Variants in ADAMTS20 observed in about 807,000 individuals in gnomAD.
ADAMTS20 encodes the protein A disintegrin and metalloproteinase with thrombospondin motifs 20.
Under a neutral mutation model 260.1 loss-of-function variants are expected in ADAMTS20, and 225 were observed. The ratio of observed to expected loss-of-function variants is 0.87; its 90% confidence interval spans 0.78 to 0.97. The LOEUF (loss-of-function observed/expected upper bound fraction) is 0.97, where lower values mean the gene tolerates loss of function less well. ADAMTS20 is among the 50% of genes least tolerant of loss of function. The pLI, the probability that ADAMTS20 is intolerant of heterozygous loss-of-function variation, is 0.00. For synonymous variants in ADAMTS20, 802 were observed against 769.5 expected (o/e 1.04, Z -0.70); for missense variants, 2,400 against 2,337.7 (o/e 1.03, Z -0.55).
At chr12:43,382,248 CAAAT>C (rs918164526) in intron 31 of ADAMTS20, among the ~76,000 whole-genome samples, 21 of 151,884 alleles carry the variant, frequency 1.4e-4, no homozygotes, top group African/African-American at 2.4e-4. Flanking sequence ...CATCAACTGA[CAAAT>C]AAATAGACAA....
chr12:43,439,608 G>T lies in ADAMTS20; in HGVS notation c.2593+14C>A. ...CACAGTCAGTCTTTTCTCCCTTATT[G>T]AATGCCAGCGTACCTTGACACATTT... On this transcript the variant is annotated intron_variant, in intron 18 of 38. Transcript: ENST00000389420. 6.3e-7 allele frequency: 1 copy of T among 1,593,110 alleles called. No homozygotes were observed. The highest frequency in any genetic ancestry group is 1.2e-5 in the South Asian group (1 of 86,376).
intron 28 of ADAMTS20, among the ~76,000 whole-genome samples, chr12:43,419,073 T>C (rs1380562803): frequency 1.3e-5 from 2 of 152,110 alleles, no homozygotes; most frequent in African/African-American, 4.8e-5. Context: ...AAAAATTAAA[T>C]GGTTAGAACA....
intron 14 of ADAMTS20, among the ~76,000 whole-genome samples, chr12:43,446,967 A>G (rs1220645284): frequency 5.9e-5 from 9 of 152,114 alleles, no homozygotes. Context: ...TGGACAGACC[A>G]ATAATGAGCT....
intron 7 of ADAMTS20, among the ~76,000 whole-genome samples, chr12:43,473,859 G>A (rs1359873748): frequency 3.3e-5 from 1 of 30,180 alleles, no homozygotes; most frequent in African/African-American, 1.2e-4. Context: ...GAAATTTATA[G>A]CACTAAATGC....
intron 29 of ADAMTS20, among the ~76,000 whole-genome samples, chr12:43,397,000 C>T (rs149011803): frequency 9.9e-5 from 15 of 152,268 alleles, no homozygotes; most frequent in Non-Finnish European, 1.6e-4. Flanking sequence ...AGATCTGTGG[C>T]CGTTCATATT....
downstream of ADAMTS20, among the ~76,000 whole-genome samples, chr12:43,352,916 A>G (rs1179876590): frequency 2.6e-5 from 4 of 152,226 alleles, no homozygotes; most frequent in Non-Finnish European, 5.9e-5. Flanking sequence ...TGATACAGAC[A>G]TCTTCAAATG....
At chr12:43,447,547 G>C (rs536360302) in intron 14 of ADAMTS20, among the ~76,000 whole-genome samples, 1 of 152,118 alleles carries the variant, frequency 6.6e-6, no homozygotes, top group East Asian at 1.9e-4. Context: ...TACTGAATGG[G>C]GAAAAGCAGG....
chr12:43,531,962 T>A, intron 3 of ADAMTS20, 74 bp downstream of exon 3: 1 of 966,902 alleles, frequency 1.0e-6, no homozygotes. Context: ...GGGAAATATA[T>A]AAATTATAAC....
At chr12:43,531,241 T>G (rs117591597) in intron 3 of ADAMTS20, among the ~76,000 whole-genome samples, 129 of 152,192 alleles carry the variant, frequency 8.5e-4, no homozygotes, top group Non-Finnish European at 1.6e-3. Flanking sequence ...ATAAAATATG[T>G]TTCCAATTTA....
At position 43,509,667 on chromosome 12, in the gene ADAMTS20, T is replaced by C. The variant is rs530254598; in HGVS notation, c.614-7262A>G. Among the ~76,000 whole-genome samples the C allele has an allele frequency of 1.1e-4, 17 of 152,206 alleles. No homozygotes were observed. The East Asian group carries it at 3.3e-3, about 29-fold the overall frequency. ...ACAAACATGGAATTAAGAATGCTGGTTGCTTCAGGTAAGGGGAGGCAAGTG... is the reference window on the plus strand; with the variant it reads ...ACAAACATGGAATTAAGAATGCTGGCTGCTTCAGGTAAGGGGAGGCAAGTG... On this transcript the variant is annotated intron_variant, in intron 3 of 38. Transcript: ENST00000389420.
At chr12:43,461,309 G>A (rs1942061456) in intron 11 of ADAMTS20, among the ~76,000 whole-genome samples, 1 of 151,786 alleles carries the variant, frequency 6.6e-6, no homozygotes, top group Non-Finnish European at 1.5e-5. Context: ...ACTTTTTAAA[G>A]TGATAGAAAT....
intron 29 of ADAMTS20, among the ~76,000 whole-genome samples, chr12:43,387,840 ACTGT>A (rs1267913483): frequency 2.6e-5 from 4 of 152,188 alleles, no homozygotes; most frequent in South Asian, 2.1e-4. Context: ...TGAGAGGAAA[ACTGT>A]CTGTCAAGTC....
At chr12:43,537,878 T>A (rs772599391) in intron 2 of ADAMTS20, among the ~76,000 whole-genome samples, 1 of 152,246 alleles carries the variant, frequency 6.6e-6, no homozygotes, top group African/African-American at 2.4e-5. Context: ...TAGTACTCCA[T>A]TGAGTATATG....
At chr12:43,354,441 A>G in intron 38 of ADAMTS20, 143 bp from the exon 39 acceptor site, 1 of 595,600 alleles carries the variant, frequency 1.7e-6, no homozygotes, top group Non-Finnish European at 2.9e-6. Context: ...GAGGTCAAAG[A>G]TCATATGCCT....
intron 2 of ADAMTS20, among the ~76,000 whole-genome samples, chr12:43,532,770 G>T (rs2137505766): frequency 1.4e-5 from 1 of 71,360 alleles, no homozygotes; most frequent in South Asian, 6.3e-4. Flanking sequence ...TGATCTCATT[G>T]TTCAATTCCC....
At chr12:43,540,851 T>C (rs1396504320) in intron 2 of ADAMTS20, among the ~76,000 whole-genome samples, 1 of 152,236 alleles carries the variant, frequency 6.6e-6, no homozygotes, top group African/African-American at 2.4e-5. Context: ...TTTGCCAAGC[T>C]GTTTTGAAAG....
chr12:43,434,050 GA>G (rs1941502477), intron 19 of ADAMTS20, among the ~76,000 whole-genome samples, 194 bp downstream of exon 19: 1 of 152,100 alleles, frequency 6.6e-6, no homozygotes, highest in African/African-American at 2.4e-5. Context: ...CTGGTATTCA[GA>G]AAATACTATG....
intron 29 of ADAMTS20, among the ~76,000 whole-genome samples, chr12:43,392,745 T>C (rs960082392): frequency 3.3e-5 from 5 of 152,088 alleles, no homozygotes; most frequent in African/African-American, 1.2e-4. Context: ...TTCTGTTGAA[T>C]CATTCTGGTT....
chr12:43,426,177 A>G (rs1307905261), intron 27 of ADAMTS20, among the ~76,000 whole-genome samples: 2 of 152,184 alleles, frequency 1.3e-5, no homozygotes, highest in Non-Finnish European at 2.9e-5. Flanking sequence ...GCAAATAACA[A>G]AACAGCTGTA....
Sources: allele counts gnomAD v4.1 joint callset (sites outside exome capture counted in the v4.1 genomes callset), GRCh38; gene constraint gnomAD v4.1.1; transcripts MANE v1.5; gene names NCBI Gene and HGNC (gene_info 2026-07-23, HGNC 2026-07-21).